ST6GAL2: variants seen among roughly 807,000 people sequenced by gnomAD.
The protein encoded by ST6GAL2 is ST6 beta-galactoside alpha-2,6-sialyltransferase 2, also known as beta-galactoside alpha-2,6-sialyltransferase 2.
ST6GAL2 carries 24 observed loss-of-function variants against 37.5 expected under a neutral mutation model. The ratio of observed to expected loss-of-function variants is 0.64; its 90% CI spans 0.46 to 0.90. The LOEUF is 0.90. Among genes scored for constraint, ST6GAL2 ranks in the 40% least tolerant of loss-of-function variants. ST6GAL2 has a pLI of 0.00. For missense variants in ST6GAL2, 715 were observed against 712.7 expected (o/e 1.00, Z -0.04); for synonymous variants, 306 against 295.1 (o/e 1.04, Z -0.38).
intron 2 of ST6GAL2, among the ~76,000 whole-genome samples, chr2:106,839,797 C>A (rs1281544209): frequency 6.6e-6 from 1 of 152,174 alleles, no homozygotes; most frequent in African/African-American, 2.4e-5. Flanking sequence ...GCTAGTAGCA[C>A]TGCATAGAAG....
chr2:106,813,336 G>T, intron 5 of ST6GAL2: 1 of 655,600 alleles, frequency 1.5e-6, no homozygotes. Context: ...TATAACGCAA[G>T]ATAATTATCA....
At chr2:106,871,007 G>A (rs574889724) in intron 1 of ST6GAL2, among the ~76,000 whole-genome samples, 112 of 152,208 alleles carry the variant, frequency 7.4e-4, no homozygotes, top group African/African-American at 2.5e-3. Context: ...CAATTTCATC[G>A]TTGTATGAAA....
At chr2:106,844,286 G>A (rs562301552) in intron 1 of ST6GAL2, among the ~76,000 whole-genome samples, 5 of 151,666 alleles carry the variant, frequency 3.3e-5, no homozygotes, top group East Asian at 2.0e-4. Context: ...GGAGAGAGGC[G>A]ATGGATGGGT....
chr2:106,845,502 GA>G (rs1377977437), intron 1 of ST6GAL2, among the ~76,000 whole-genome samples: 1 of 152,204 alleles, frequency 6.6e-6, no homozygotes, highest in Non-Finnish European at 1.5e-5. Flanking sequence ...GGAAATGTGT[GA>G]CCCCCACGAT....
intron 1 of ST6GAL2, among the ~76,000 whole-genome samples, chr2:106,853,542 G>C (rs1164731865): frequency 2.0e-5 from 3 of 152,206 alleles, no homozygotes; most frequent in Non-Finnish European, 4.4e-5. Context: ...GCACAGGTAT[G>C]GAGGAGAATC....
intron 4 of ST6GAL2, among the ~76,000 whole-genome samples, chr2:106,832,299 C>T (rs1470265704): frequency 1.3e-5 from 2 of 152,206 alleles, no homozygotes; most frequent in Non-Finnish European, 2.9e-5. Flanking sequence ...CTAGAAATTT[C>T]TGAATATTTA....
intron 5 of ST6GAL2, among the ~76,000 whole-genome samples, chr2:106,820,652 A>T (rs1675970159): frequency 6.6e-6 from 1 of 152,066 alleles, no homozygotes; most frequent in Non-Finnish European, 1.5e-5. Flanking sequence ...TTTACAAAAC[A>T]TTTCATCCAA....
intron 1 of ST6GAL2, among the ~76,000 whole-genome samples, chr2:106,847,779 G>A (rs1371391482): frequency 2.6e-5 from 4 of 152,154 alleles, no homozygotes; most frequent in African/African-American, 9.7e-5. Flanking sequence ...CACACAGGGT[G>A]AGATCTAGGG....
rs994283789 is a variant in ST6GAL2, at chr2:106,802,287, G to A, written c.*4391C>T. The A allele has an allele frequency of 2.0e-5, 3 of 152,092 alleles. No homozygotes were observed. The East Asian group carries it at 5.8e-4, about 29-fold the overall frequency. 9.4% of individuals were successfully genotyped at this position (152,092 alleles called of 1,614,324 possible). A position where few individuals can be genotyped will look rare whatever the true frequency, so the allele number is the denominator to read the frequency against. On this transcript the variant is annotated 3_prime_UTR_variant, in exon 6 of 6. Transcript: ENST00000409382. Reference sequence around the variant, plus strand: ...TGTAAAGGTTTCAGTCAAAAATATTGATGAAAAAGCAATATAAAACCAACC... The same window carrying A: ...TGTAAAGGTTTCAGTCAAAAATATTAATGAAAAAGCAATATAAAACCAACC...
intron 5 of ST6GAL2, among the ~76,000 whole-genome samples, chr2:106,808,890 T>C (rs1416088494): frequency 6.6e-6 from 1 of 152,150 alleles, no homozygotes; most frequent in African/African-American, 2.4e-5. Context: ...GCCTGTAATC[T>C]TAGCTACTTG....
intron 5 of ST6GAL2, among the ~76,000 whole-genome samples, chr2:106,814,491 A>C (rs77345370): frequency 5.5e-4 from 30 of 54,690 alleles, no homozygotes; most frequent in African/African-American, 1.3e-3. Context: ...GTTTGCGTTC[A>C]AAAAAAAAAA....
At chr2:106,820,301 C>T (rs1026706081) in intron 5 of ST6GAL2, among the ~76,000 whole-genome samples, 3 of 151,800 alleles carry the variant, frequency 2.0e-5, no homozygotes, top group African/African-American at 7.3e-5. Flanking sequence ...ATGGAACCCA[C>T]CTCCCAACTA....
intron 4 of ST6GAL2, among the ~76,000 whole-genome samples, chr2:106,830,491 G>A (rs1351353796): frequency 1.3e-5 from 2 of 152,182 alleles, no homozygotes; most frequent in South Asian, 2.1e-4. Flanking sequence ...ACTAGATCAC[G>A]GATCAGCATA....
chr2:106,858,323 C>A (rs1677663543), intron 1 of ST6GAL2, among the ~76,000 whole-genome samples: 1 of 152,160 alleles, frequency 6.6e-6, no homozygotes, highest in African/African-American at 2.4e-5. Context: ...AGTAATGTGG[C>A]AAAGAGAGAA....
At chr2:106,884,484 T>A (rs1387449109) in intron 1 of ST6GAL2, among the ~76,000 whole-genome samples, 3 of 152,092 alleles carry the variant, frequency 2.0e-5, no homozygotes, top group Non-Finnish European at 4.4e-5. Flanking sequence ...GGAGTATCCA[T>A]CCAAAGCCTC....
At chr2:106,850,725 C>T (rs956494657) in intron 1 of ST6GAL2, among the ~76,000 whole-genome samples, 4 of 152,186 alleles carry the variant, frequency 2.6e-5, no homozygotes, top group African/African-American at 4.8e-5. Flanking sequence ...CCTGGATCAT[C>T]GTTTTCCTTG....
chr2:106,849,155 A>T (rs943833406), intron 1 of ST6GAL2, among the ~76,000 whole-genome samples: 4 of 152,174 alleles, frequency 2.6e-5, no homozygotes, highest in Non-Finnish European at 4.4e-5. Context: ...TAAACTCTGT[A>T]CTTAATCATA....
Position 106,885,482 on chromosome 2 carries a change from A to G in ST6GAL2, c.-58+611T>C, listed in dbSNP as rs1228185529. On this transcript the variant is annotated intron_variant, in intron 1 of 5. Transcript: ENST00000409382. Reference sequence around the variant, plus strand: ...TGGAAAGCACAGCTTCTCCAAACACAGCTATTCAGCTCTTTGGAAGGCAGC... The same window carrying G: ...TGGAAAGCACAGCTTCTCCAAACACGGCTATTCAGCTCTTTGGAAGGCAGC... Among the ~76,000 whole-genome samples, 2 of 152,152 alleles carry G rather than the reference A, an allele frequency of 1.3e-5. 1 individual carries two copies. Among genetic ancestry groups the G allele is most frequent in the Non-Finnish European group, 2.9e-5 (2 of 68,024 alleles).
intron 5 of ST6GAL2, chr2:106,813,224 C>A: frequency 2.2e-6 from 3 of 1,348,960 alleles, no homozygotes; most frequent in South Asian, 2.1e-5. Context: ...TACAAATGAG[C>A]CTATATGAGG....
Sources: gnomAD v4.1 joint callset for allele counts (sites outside exome capture counted in the v4.1 genomes callset) on GRCh38, gnomAD v4.1.1 for gene constraint, MANE v1.5 for transcripts, NCBI Gene and HGNC (gene_info 2026-07-23, HGNC 2026-07-21) for gene names.